The following ARID1B variants were observed in gnomAD, a reference collection of about 807,000 sequenced individuals.
ARID1B encodes the protein AT-rich interaction domain 1B.
Under a neutral mutation model 212.3 loss-of-function variants are expected in ARID1B, and 30 were observed. The observed-to-expected ratio is 0.14, with a 90% CI of 0.11 to 0.19. The LOEUF (loss-of-function observed/expected upper bound fraction) is 0.19. Ranked by LOEUF, ARID1B falls within the 10% of genes least tolerant of loss-of-function variation. ARID1B has a pLI of 1.00. For synonymous variants in ARID1B, 1,402 were observed against 1,301.7 expected, an observed-to-expected ratio of 1.08 and a Z score of -1.66; for missense variants, 2,891 against 3,204.0, an observed-to-expected ratio of 0.90 and a Z score of 2.36.
At chr6:157,096,082 C>T (rs557271502) in intron 5 of ARID1B, among the ~76,000 whole-genome samples, 1 of 152,336 alleles carries the variant, frequency 6.6e-6, no homozygotes, top group South Asian at 2.1e-4. Flanking sequence ...CCATCCCACT[C>T]TTCATGCAGC....
intron 5 of ARID1B, among the ~76,000 whole-genome samples, chr6:157,105,838 G>A (rs989815151): frequency 3.3e-5 from 5 of 152,122 alleles, no homozygotes; most frequent in African/African-American, 4.8e-5. Context: ...CTGACTTCAT[G>A]ATCCGCCCGC....
intron 4 of ARID1B, among the ~76,000 whole-genome samples, chr6:157,025,428 T>C (rs981667201): frequency 6.6e-6 from 1 of 152,248 alleles, no homozygotes; most frequent in Non-Finnish European, 1.5e-5. Flanking sequence ...AGAACATTCT[T>C]GTTACCTTAA....
Position 157,174,533 on chromosome 6 carries a change from CT to C in ARID1B, c.3346-303del, listed in dbSNP as rs1025155807. 5.6e-3 allele frequency among the ~76,000 whole-genome samples: 810 copies of C among 145,370 alleles called. 6 individuals are homozygous for C. Among genetic ancestry groups the C allele is most frequent in the African/African-American group, 0.018 (730 of 40,010 alleles). ...CTTATTTGATAAATAAGGTGAACAGCTTTTTTTTTTTCTTTCTTTCATAAGG... is the reference window on the plus strand; with the variant it reads ...CTTATTTGATAAATAAGGTGAACAGCTTTTTTTTTTCTTTCTTTCATAAGG... On this transcript the variant is annotated intron_variant, in intron 10 of 19. Transcript: ENST00000636930.
intron 4 of ARID1B, among the ~76,000 whole-genome samples, chr6:157,025,431 T>C (rs1184527473): frequency 1.3e-5 from 2 of 152,238 alleles, no homozygotes; most frequent in East Asian, 3.8e-4. Context: ...ACATTCTTGT[T>C]ACCTTAACAA....
rs570501642 is a variant in ARID1B, at chr6:156,959,928, T to C, written c.2247+24352T>C. The stretch of plus-strand genomic sequence containing the variant: ...ATTGTCTGAAGATTGTCAGCTTCTT[T>C]TTTTTTTTTTTTTTTTTCTCGAGAC... On this transcript the variant is annotated intron_variant, in intron 4 of 19. Coordinates refer to ENST00000636930, the MANE Select transcript of ARID1B (RefSeq NM_001374828.1). Among the ~76,000 whole-genome samples the C allele has an allele frequency of 2.7e-3, 392 of 147,010 alleles. 1 individual carries two copies. The highest frequency in any genetic ancestry group is 8.4e-3 in the African/African-American group (335 of 39,846).
intron 13 of ARID1B, among the ~76,000 whole-genome samples, chr6:157,188,328 G>T (rs575946130): frequency 6.6e-6 from 1 of 152,318 alleles, no homozygotes; most frequent in East Asian, 1.9e-4. Flanking sequence ...GTTCAGCTCT[G>T]TTGGCCAGCG....
rs373641381 is a variant in ARID1B, at chr6:157,181,019, G to A, written c.3555G>A (p.Glu1185=). Residue 1185 remains glutamate (E), a synonymous_variant, in exon 12 of 20, where the codon GAG becomes GAA. Transcript: ENST00000636930. The stretch of plus-strand genomic sequence containing the variant: ...GGGAGAAGATCACGAAGGTGTACGA[G>A]CTGGGGAATGAGCCAGAGAGAAAGC... ...TTGEKITKVY[E]LGNEPERKLW... The A allele has an allele frequency of 1.5e-5, 24 of 1,614,002 alleles. No individual in the cohort carries two copies. The highest frequency in any genetic ancestry group is 1.9e-5 in the Non-Finnish European group (23 of 1,180,036).
At position 156,923,897 on chromosome 6, in the gene ARID1B, C is replaced by T. The variant is rs147061344; in HGVS notation, c.2137-11569C>T. 1.3e-3 allele frequency among the ~76,000 whole-genome samples: 197 copies of T among 152,006 alleles called. 2 individuals are homozygous for T. The highest frequency in any genetic ancestry group is 4.5e-3 in the African/African-American group (187 of 41,454). On this transcript the variant is annotated intron_variant, in intron 3 of 19. Coordinates refer to ENST00000636930, the MANE Select transcript of ARID1B (RefSeq NM_001374828.1). Reference sequence around the variant, plus strand: ...TAATTTTTGTAGAGACAGGTTTCACCGCGTTGGCCAGGCTGGTCTTAAACT... The same window carrying T: ...TAATTTTTGTAGAGACAGGTTTCACTGCGTTGGCCAGGCTGGTCTTAAACT...
intron 1 of ARID1B, among the ~76,000 whole-genome samples, chr6:156,804,924 T>C (rs989992208): frequency 1.3e-5 from 2 of 151,412 alleles, no homozygotes; most frequent in Non-Finnish European, 2.9e-5. Context: ...ATGTTCCTAT[T>C]TCACCCACCC....
intron 4 of ARID1B, among the ~76,000 whole-genome samples, chr6:156,970,144 G>T (rs373813633): frequency 1.3e-3 from 197 of 152,140 alleles, no homozygotes; most frequent in African/African-American, 4.6e-3. Context: ...GCAATGGCAT[G>T]ATCTTGGCTC....
chr6:156,779,694 G>C (rs1006981715), intron 1 of ARID1B: 26 of 211,602 alleles, frequency 1.2e-4, no homozygotes, highest in Non-Finnish European at 1.9e-4. Flanking sequence ...GGCCGGGCCG[G>C]GCCGGGTGGC....
intron 2 of ARID1B, among the ~76,000 whole-genome samples, chr6:156,834,208 A>C (rs1436156185): frequency 6.6e-6 from 1 of 151,490 alleles, no homozygotes; most frequent in Admixed American, 6.6e-5. Context: ...GTTTATTATG[A>C]TTCAATCTTT....
rs2114981971 is a variant in ARID1B at position 156,778,668 on chromosome 6, C to A, written c.988C>A (p.Arg330Ser). The change falls in exon 1 of 20, where the codon CGC becomes AGC. Residue 330 changes from arginine to serine, a missense_variant. Physicochemically the swap from Arg to Ser is moderately radical, Grantham distance 110. Around this residue, in one of 7 missense-constraint regions of ARID1B, gnomAD observed 1,643 missense variants for 1,544.0 expected, o/e 1.06. Transcript: ENST00000636930. ...CCCTGCGAGCGGCGGCCCCGGCGGCCGCGCTGGGCCTTGCTTTGATCAACA... is the reference window on the plus strand; with the variant it reads ...CCCTGCGAGCGGCGGCCCCGGCGGCAGCGCTGGGCCTTGCTTTGATCAACA... ...AAPASGGPGG[R>S]AGPCFDQHGG... The A allele has an allele frequency of 4.7e-6, 7 of 1,484,492 alleles. No individual in the cohort carries two copies. Among genetic ancestry groups the A allele is most frequent in the Non-Finnish European group, 6.3e-6 (7 of 1,115,298 alleles). 92.0% of individuals were successfully genotyped at this position (1,484,492 alleles called of 1,614,324 possible).
At chr6:157,195,871 A>T in intron 15 of ARID1B, 1 of 331,552 alleles carries the variant, frequency 3.0e-6, no homozygotes, top group Non-Finnish European at 5.6e-6. Flanking sequence ...GACCAGCCTG[A>T]CCTACATGGT....
Position 157,148,614 on chromosome 6 carries a change from T to C in ARID1B, c.2762-10T>C, listed in dbSNP as rs1347254356. ...TAAAAGGCTTTACTTTGTGTTTGCT[T>C]TTTGTTTAGGTAACTACTCCAGACC... On this transcript the variant is annotated splice_polypyrimidine_tract_variant and intron_variant, in intron 7 of 19. Coordinates refer to ENST00000636930, the MANE Select transcript of ARID1B (RefSeq NM_001374828.1). The surrounding 1 kb of genome is among the most constrained non-coding windows in gnomAD (Gnocchi z 5.6). The C allele has an allele frequency of 1.9e-6, 3 of 1,572,474 alleles. No individual in the cohort carries two copies. The Admixed American group carries it at 5.5e-5, about 29-fold the overall frequency.
chr6:157,101,262 A>G (rs1024363023), intron 5 of ARID1B, among the ~76,000 whole-genome samples: 1 of 152,228 alleles, frequency 6.6e-6, no homozygotes, highest in Non-Finnish European at 1.5e-5. Flanking sequence ...TAATTGCTGA[A>G]AACCATGAAC....
chr6:156,931,630 G>A (rs999581655), intron 3 of ARID1B, among the ~76,000 whole-genome samples: 3 of 152,050 alleles, frequency 2.0e-5, no homozygotes, highest in Admixed American at 1.3e-4. Context: ...ACCAGCCTGG[G>A]AAGTATAGTG....
intron 2 of ARID1B, among the ~76,000 whole-genome samples, chr6:156,837,746 C>G (rs1015295731): frequency 2.0e-5 from 3 of 152,178 alleles, no homozygotes; most frequent in Non-Finnish European, 2.9e-5. Context: ...TGGGTGGGAG[C>G]ATGTGAGGCA....
At chr6:157,023,065 G>T (rs552530354) in intron 4 of ARID1B, 61 of 152,284 alleles carry the variant, frequency 4.0e-4, no homozygotes, top group African/African-American at 1.4e-3. Context: ...TAATAGCAGG[G>T]ACATTTCTGA....
Sources: allele counts gnomAD v4.1 joint callset (sites outside exome capture counted in the v4.1 genomes callset), GRCh38; gene constraint gnomAD v4.1.1; regional missense constraint gnomAD v4.1.1; non-coding constraint Gnocchi (gnomAD v3.1); transcripts MANE v1.5; gene names NCBI Gene and HGNC (gene_info 2026-07-23, HGNC 2026-07-21).